The following ATAD2B variants were observed in gnomAD, a reference collection of about 807,000 sequenced individuals.
ATAD2B encodes ATPase family AAA domain containing 2B, also known as ATPase family AAA domain-containing protein 2B.
A neutral mutation model predicts 167.6 loss-of-function variants in ATAD2B; 40 were observed. The observed-to-expected ratio is 0.24, with a 90% CI of 0.19 to 0.31. ATAD2B has a LOEUF of 0.31. Among genes scored for constraint, ATAD2B ranks in the 10% least tolerant of loss-of-function variants. The pLI is 1.00. For synonymous variants in ATAD2B, 579 were observed against 596.5 expected, an observed-to-expected ratio of 0.97 and a Z score of 0.43; for missense variants, 1,242 against 1,757.2, an observed-to-expected ratio of 0.71 and a Z score of 5.24.
At chr2:23,696,215 A>G in the ATAD2B span, 25 of 1,491,730 alleles carry the variant, frequency 1.7e-5, 1 homozygote, top group East Asian at 4.2e-4. This position sits in a 1 kb window ranked among gnomAD's most constrained non-coding sequence, Gnocchi z 5.5. Flanking sequence ...GAGGAAGGCC[A>G]TGGCCCAGAA....
intron 17 of ATAD2B, 136 bp downstream of exon 17, chr2:23,819,611 T>C (rs778684881): frequency 3.9e-5 from 26 of 665,432 alleles, no homozygotes; most frequent in Admixed American, 8.0e-5. Flanking sequence ...TAGTAAAAGT[T>C]TTCCAGAATT....
the ATAD2B span, among the ~76,000 whole-genome samples, chr2:23,685,956 G>C: frequency 2.0e-5 from 3 of 152,250 alleles, no homozygotes; most frequent in East Asian, 5.8e-4. Context: ...CTAGTCCCCA[G>C]CTAGAACGTG....
chr2:23,747,589 C>T (rs141619320), downstream of ATAD2B, among the ~76,000 whole-genome samples: 530 of 152,098 alleles, frequency 3.5e-3, 1 homozygote, highest in Non-Finnish European at 6.2e-3. Flanking sequence ...GTTCCCTTCC[C>T]AGAACTCTGA....
intron 17 of ATAD2B, among the ~76,000 whole-genome samples, chr2:23,814,398 T>C (rs1010124595): frequency 1.3e-5 from 2 of 152,136 alleles, no homozygotes; most frequent in African/African-American, 4.8e-5. Flanking sequence ...CAAATTACCA[T>C]AGTTCAATGT....
Position 23,888,382 on chromosome 2 carries a change from C to A in ATAD2B, c.386G>T (p.Gly129Val). Residue 129 changes from glycine to valine, a missense_variant, in exon 3 of 28, where the codon GGT becomes GTT. Physicochemically the swap from Gly to Val is moderately radical, Grantham distance 109 (BLOSUM62 -3). Around this residue, in one of 9 missense-constraint regions of ATAD2B, gnomAD observed 199 missense variants for 194.9 expected, o/e 1.02. Transcript: ENST00000238789. Reference sequence around the variant, plus strand: ...ACTATGTCCATTTGGTAATGTAGCACCAGGCTGAGAAGTTAACCTAGAACA... The same window carrying A: ...ACTATGTCCATTTGGTAATGTAGCAACAGGCTGAGAAGTTAACCTAGAACA... Reference protein sequence around the residue: ...TGQARLTSQPGATLPNGHSGL... With the variant: ...TGQARLTSQPVATLPNGHSGL... 1 of 1,592,356 alleles carries A rather than the reference C, an allele frequency of 6.3e-7. No homozygotes were observed. The highest frequency in any genetic ancestry group is 8.5e-7 in the Non-Finnish European group (1 of 1,170,022).
chr2:23,716,299 T>C, the ATAD2B span, among the ~76,000 whole-genome samples: 9 of 152,250 alleles, frequency 5.9e-5, no homozygotes, highest in East Asian at 1.2e-3. Flanking sequence ...ATGATCTTCT[T>C]TGTGGCTCTT....
chr2:23,827,476 G>C (rs994314370), intron 15 of ATAD2B, among the ~76,000 whole-genome samples: 3 of 152,110 alleles, frequency 2.0e-5, no homozygotes. Flanking sequence ...CTATCTCTTA[G>C]GGAATTTCCA....
intron 13 of ATAD2B, among the ~76,000 whole-genome samples, chr2:23,848,966 T>C (rs991796934): frequency 6.6e-6 from 1 of 152,142 alleles, no homozygotes; most frequent in African/African-American, 2.4e-5. Flanking sequence ...ATATATATTA[T>C]ACCTCAATAA....
intron 4 of ATAD2B, 58 bp downstream of exon 4, chr2:23,887,774 G>T: frequency 2.9e-6 from 4 of 1,398,718 alleles, no homozygotes; most frequent in East Asian, 2.6e-5. Context: ...TTTTTAAAAC[G>T]TAACTGTCTT....
chr2:23,732,916 C>T, the ATAD2B span, among the ~76,000 whole-genome samples: 348 of 152,324 alleles, frequency 2.3e-3, no homozygotes, highest in African/African-American at 8.2e-3. Flanking sequence ...ATTTAACTAG[C>T]TGTCTCATCT....
At chr2:23,857,367 G>A (rs1371829736) in intron 13 of ATAD2B, 48 bp downstream of exon 13, 6 of 1,059,428 alleles carry the variant, frequency 5.7e-6, no homozygotes, top group Non-Finnish European at 8.1e-6. Context: ...TAACTACCAA[G>A]TCAATGCGTA....
chr2:23,686,681 G>A, the ATAD2B span, among the ~76,000 whole-genome samples: 2 of 152,160 alleles, frequency 1.3e-5, no homozygotes, highest in Non-Finnish European at 1.5e-5. Context: ...TGACCATCTG[G>A]TGTGTCAAGC....
intron 10 of ATAD2B, 49 bp from the exon 11 acceptor site, chr2:23,864,973 A>G: frequency 8.8e-7 from 1 of 1,139,564 alleles, no homozygotes; most frequent in Non-Finnish European, 1.2e-6. Flanking sequence ...TATATGTTTT[A>G]TAGAATTTTT....
At chr2:23,773,026 G>C (rs1008021480) in intron 22 of ATAD2B, among the ~76,000 whole-genome samples, 2 of 152,188 alleles carry the variant, frequency 1.3e-5, no homozygotes, top group Admixed American at 6.5e-5. Flanking sequence ...ACAGGTGTGG[G>C]CCACTGTGCC....
At chr2:23,842,853 TAA>T (rs2149820609) in intron 13 of ATAD2B, among the ~76,000 whole-genome samples, 1 of 152,254 alleles carries the variant, frequency 6.6e-6, no homozygotes, top group South Asian at 2.1e-4. Context: ...ATTTCAAGCC[TAA>T]CTCAGAAAAT....
At chr2:23,722,324 A>C in the ATAD2B span, among the ~76,000 whole-genome samples, 1 of 152,240 alleles carries the variant, frequency 6.6e-6, no homozygotes, top group Non-Finnish European at 1.5e-5. Flanking sequence ...GTGAGATACA[A>C]GAAAATAAAC....
At chr2:23,789,500 A>G (rs1338167154) in intron 19 of ATAD2B, among the ~76,000 whole-genome samples, 2 of 152,164 alleles carry the variant, frequency 1.3e-5, no homozygotes, top group African/African-American at 2.4e-5. Context: ...GTATGTACTG[A>G]AAGAGTTAAC....
intron 17 of ATAD2B, among the ~76,000 whole-genome samples, chr2:23,814,950 G>T (rs189521355): frequency 1.4e-4 from 21 of 152,032 alleles, no homozygotes; most frequent in Admixed American, 9.8e-4. Flanking sequence ...CAGCAACTTG[G>T]GAGGCTGAGG....
chr2:23,843,321 T>G (rs1691226799), intron 13 of ATAD2B, among the ~76,000 whole-genome samples: 1 of 151,808 alleles, frequency 6.6e-6, no homozygotes, highest in South Asian at 2.1e-4. Flanking sequence ...AGAAAAAGAC[T>G]GAAAAATGAC....
Sources: gnomAD v4.1 joint callset for allele counts (sites outside exome capture counted in the v4.1 genomes callset) on GRCh38, gnomAD v4.1.1 for gene constraint, gnomAD v4.1.1 regional missense constraint, Gnocchi (gnomAD v3.1) non-coding constraint, MANE v1.5 for transcripts, NCBI Gene and HGNC (gene_info 2026-07-23, HGNC 2026-07-21) for gene names.